MTCL2: variants seen among roughly 807,000 people sequenced by gnomAD.
The protein encoded by MTCL2 is microtubule cross-linking factor 2.
At chr20:36,853,652 G>A in the MTCL2 span, among the ~76,000 whole-genome samples, 7 of 151,798 alleles carry the variant, frequency 4.6e-5, no homozygotes, top group African/African-American at 1.7e-4. Flanking sequence ...TCCCAGATCC[G>A]TCTGGTACAG....
At chr20:36,818,785 C>T in the MTCL2 span, among the ~76,000 whole-genome samples, 1 of 152,152 alleles carries the variant, frequency 6.6e-6, no homozygotes, top group Non-Finnish European at 1.5e-5. Context: ...ATGTACAACA[C>T]CAACAAAGGG....
the MTCL2 span, among the ~76,000 whole-genome samples, chr20:36,850,433 G>A: frequency 3.3e-5 from 5 of 152,068 alleles, no homozygotes; most frequent in South Asian, 2.1e-4. Context: ...AGGCTAAGGC[G>A]GAGAATTGCT....
At chr20:36,793,627 C>T in the MTCL2 span, 1 of 1,551,418 alleles carries the variant, frequency 6.4e-7, no homozygotes, top group South Asian at 1.2e-5. This position sits in a 1 kb window ranked among gnomAD's most constrained non-coding sequence, Gnocchi z 6.8. Context: ...TGATGTTTCT[C>T]AATACAGGGC....
the MTCL2 span, chr20:36,817,435 C>T: frequency 2.5e-6 from 4 of 1,591,432 alleles, no homozygotes; most frequent in Non-Finnish European, 3.4e-6. Flanking sequence ...ATCGGCCTTC[C>T]CCAGGGAGCG....
At chr20:36,788,093 TG>T in the MTCL2 span, among the ~76,000 whole-genome samples, 10 of 148,086 alleles carry the variant, frequency 6.8e-5, no homozygotes, top group African/African-American at 2.3e-4. Flanking sequence ...CCCAGCTACT[TG>T]GGAGACCGAA....
the MTCL2 span, among the ~76,000 whole-genome samples, chr20:36,798,451 G>C: frequency 6.6e-6 from 1 of 152,238 alleles, no homozygotes; most frequent in African/African-American, 2.4e-5. Flanking sequence ...AGAGGATCAA[G>C]ACTGAGAGAA....
chr20:36,808,656 A>G, the MTCL2 span: 1 of 1,612,524 alleles, frequency 6.2e-7, no homozygotes, highest in Non-Finnish European at 8.5e-7. Flanking sequence ...TCCTGGCTCC[A>G]GAATTTCTGC....
the MTCL2 span, chr20:36,810,112 G>A: frequency 6.3e-7 from 1 of 1,589,962 alleles, no homozygotes; most frequent in Non-Finnish European, 8.5e-7. Flanking sequence ...CTTGATCTGT[G>A]GTACAGACAG....
the MTCL2 span, among the ~76,000 whole-genome samples, chr20:36,844,130 G>GGAGGCT: frequency 1.3e-5 from 2 of 152,108 alleles, no homozygotes; most frequent in Non-Finnish European, 2.9e-5. Context: ...CAGCTATTCA[G>GGAGGCT]GAGGCTGAGG....
At chr20:36,814,925 G>C in the MTCL2 span, among the ~76,000 whole-genome samples, 9 of 152,228 alleles carry the variant, frequency 5.9e-5, no homozygotes, top group Non-Finnish European at 1.2e-4. Context: ...GCTGGGTGTG[G>C]TGGTGCTCAC....
At chr20:36,815,418 T>C in the MTCL2 span, 41 of 1,612,900 alleles carry the variant, frequency 2.5e-5, no homozygotes, top group African/African-American at 6.7e-5. This position sits in a 1 kb window ranked among gnomAD's most constrained non-coding sequence, Gnocchi z 5.3. Context: ...CGTGAAGCCA[T>C]TGGCATCAGC....
chr20:36,831,983 G>A, the MTCL2 span, among the ~76,000 whole-genome samples: 6 of 152,232 alleles, frequency 3.9e-5, no homozygotes, highest in African/African-American at 1.4e-4. Context: ...ACTGGAGGCA[G>A]GAGTGGTGGG....
chr20:36,819,651 T>A, the MTCL2 span, among the ~76,000 whole-genome samples: 1 of 150,156 alleles, frequency 6.7e-6, no homozygotes, highest in Non-Finnish European at 1.5e-5. Flanking sequence ...TGGTCTGAGG[T>A]AGGTCTGAGA....
the MTCL2 span, among the ~76,000 whole-genome samples, chr20:36,791,129 G>A: frequency 4.6e-5 from 7 of 151,898 alleles, no homozygotes; most frequent in African/African-American, 1.7e-4. Context: ...CCGCCTCCTG[G>A]GTTCACGCGA....
chr20:36,848,547 C>G, the MTCL2 span, among the ~76,000 whole-genome samples: 1 of 152,112 alleles, frequency 6.6e-6, no homozygotes, highest in African/African-American at 2.4e-5. Flanking sequence ...CCTCACTGAA[C>G]CCCCCACTCC....
chr20:36,806,931 C>T, the MTCL2 span, among the ~76,000 whole-genome samples: 1 of 152,186 alleles, frequency 6.6e-6, no homozygotes, highest in Admixed American at 6.5e-5. Flanking sequence ...GAGGGTTCGT[C>T]TGAGACAAAC....
At chr20:36,831,714 G>A in the MTCL2 span, among the ~76,000 whole-genome samples, 1 of 152,194 alleles carries the variant, frequency 6.6e-6, no homozygotes. Context: ...CAGCCTCTCT[G>A]GGTACCAGAC....
the MTCL2 span, chr20:36,797,552 AG>A: frequency 6.4e-7 from 1 of 1,557,144 alleles, no homozygotes; most frequent in Non-Finnish European, 8.7e-7. Context: ...TTCAGGACCC[AG>A]GGGTCGGCAG....
At chr20:36,799,494 A>AAAAT in the MTCL2 span, among the ~76,000 whole-genome samples, 14,135 of 147,024 alleles carry the variant, frequency 0.096, 959 homozygotes, top group African/African-American at 0.18. Context: ...CTCCATCTCA[A>AAAAT]AAATAAATAA....
Sources: gnomAD v4.1 joint callset for allele counts (sites outside exome capture counted in the v4.1 genomes callset) on GRCh38, gnomAD v4.1.1 for gene constraint, Gnocchi (gnomAD v3.1) non-coding constraint, MANE v1.5 for transcripts, NCBI Gene and HGNC (gene_info 2026-07-23, HGNC 2026-07-21) for gene names.